GOLPH3: variants seen among roughly 807,000 people sequenced by gnomAD.
GOLPH3 encodes coat protein GPP34.
GOLPH3 carries 14 observed loss-of-function variants against 28.5 expected under a neutral mutation model. The ratio of observed to expected loss-of-function variants is 0.49; its 90% confidence interval spans 0.32 to 0.77. GOLPH3 has a LOEUF of 0.77. Among genes scored for constraint, GOLPH3 ranks in the 30% least tolerant of loss-of-function variants. The pLI is 0.03. For synonymous variants in GOLPH3, 158 were observed against 159.2 expected (o/e 0.99, Z 0.06); for missense variants, 350 against 393.7 (o/e 0.89, Z 0.94).
intron 3 of GOLPH3, among the ~76,000 whole-genome samples, chr5:32,134,527 A>T (rs951296222): frequency 2.6e-5 from 4 of 151,804 alleles, no homozygotes; most frequent in African/African-American, 4.8e-5. Flanking sequence ...AAATAAAAAA[A>T]AAAAAAAAAA....
chr5:32,142,519 A>G (rs1746093867), intron 2 of GOLPH3, among the ~76,000 whole-genome samples: 1 of 140,700 alleles, frequency 7.1e-6, no homozygotes, highest in Non-Finnish European at 1.5e-5. Context: ...CCGGGAGGTG[A>G]GGGGCGCCTC....
intron 1 of GOLPH3, among the ~76,000 whole-genome samples, chr5:32,164,519 G>A (rs1191886735): frequency 2.0e-5 from 3 of 151,582 alleles, no homozygotes; most frequent in East Asian, 1.9e-4. Flanking sequence ...TCAGCCTCCC[G>A]AGTAGCTGGG....
intron 2 of GOLPH3, among the ~76,000 whole-genome samples, chr5:32,142,861 G>A (rs1430949811): frequency 1.3e-5 from 2 of 150,572 alleles, no homozygotes; most frequent in Non-Finnish European, 3.0e-5. Flanking sequence ...CAGCCGCCCC[G>A]TCCGGGAGGT....
chr5:32,151,391 T>C (rs1218579129), intron 1 of GOLPH3, among the ~76,000 whole-genome samples: 2 of 152,130 alleles, frequency 1.3e-5, no homozygotes, highest in African/African-American at 4.8e-5. Context: ...CTGGGTGCGA[T>C]AGCACATGCC....
At chr5:32,129,881 G>A (rs1347787108) in intron 3 of GOLPH3, among the ~76,000 whole-genome samples, 1 of 150,854 alleles carries the variant, frequency 6.6e-6, no homozygotes, top group African/African-American at 2.4e-5. Flanking sequence ...TCACTCTGTC[G>A]CCCAGGCTGG....
intron 2 of GOLPH3, among the ~76,000 whole-genome samples, chr5:32,141,227 C>T (rs1746053580): frequency 6.6e-6 from 1 of 151,314 alleles, no homozygotes; most frequent in African/African-American, 2.4e-5. Context: ...TTCTCTATAG[C>T]TTATTAATCA....
chr5:32,144,014 G>A (rs1746140070), intron 1 of GOLPH3, 134 bp from the exon 2 acceptor site: 2 of 517,316 alleles, frequency 3.9e-6, no homozygotes, highest in South Asian at 7.1e-5. Flanking sequence ...ATAATATACT[G>A]AAAAAATACA....
intron 1 of GOLPH3, among the ~76,000 whole-genome samples, chr5:32,146,401 G>A (rs138081279): frequency 3.0e-4 from 45 of 152,278 alleles, no homozygotes; most frequent in African/African-American, 1.0e-3. Flanking sequence ...AAGGATGGGA[G>A]AGGACAGAGA....
chr5:32,135,580 A>ACT lies in GOLPH3; in HGVS notation c.463_464insAG (p.Leu155Ter). 1.2e-6 allele frequency: 2 copies of ACT among 1,600,132 alleles called. No homozygotes were observed. The highest frequency in any genetic ancestry group is 1.7e-6 in the Non-Finnish European group (2 of 1,167,668). Residue 155 changes from leucine (L) to a stop codon, truncating the protein, a stop_gained and frameshift_variant, in exon 3 of 4, where the codon TTA becomes TAGTA. Transcript: ENST00000265070. LOFTEE classifies it high-confidence loss of function. Reference sequence around the variant, plus strand: ...TATTCACAGCAGCTTACCACTAAGTAATTCAATCCAGTTCTGGACCGTTTC... The same window carrying ACT: ...TATTCACAGCAGCTTACCACTAAGTACTATTCAATCCAGTTCTGGACCGTTTC... ...PPETVQNWIE[L>*]LSGETWNPLK...
At chr5:32,134,147 A>G (rs1363522305) in intron 3 of GOLPH3, among the ~76,000 whole-genome samples, 1 of 152,184 alleles carries the variant, frequency 6.6e-6, no homozygotes, top group African/African-American at 2.4e-5. Flanking sequence ...TTGATGAAGC[A>G]CCACTGGAGG....
At chr5:32,143,352 C>A (rs2111857655) in intron 2 of GOLPH3, among the ~76,000 whole-genome samples, 1 of 151,970 alleles carries the variant, frequency 6.6e-6, no homozygotes, top group Admixed American at 6.5e-5. Flanking sequence ...AAACCAGAGA[C>A]CTTTGTTCAC....
rs550696929 is a variant in GOLPH3 at position 32,141,892 on chromosome 5, G to A, written c.357+1857C>T. On this transcript the variant is annotated intron_variant, in intron 2 of 3. Transcript: ENST00000265070. ...GTGCCGGGATTGCAGACGGAGTCTC[G>A]TTCACTCAGTGCTCAAAATGGTGCC... is the stretch of plus-strand genomic sequence containing the variant. 4.8e-5 allele frequency among the ~76,000 whole-genome samples: 4 copies of A among 84,004 alleles called. No individual in the cohort carries two copies. The East Asian group carries it at 9.2e-4, about 19-fold the overall frequency. The allele number at this position is 84,004 out of a possible 152,430, so 55.1% of individuals were successfully genotyped here.
At chr5:32,156,664 C>T (rs907226229) in intron 1 of GOLPH3, among the ~76,000 whole-genome samples, 3 of 152,112 alleles carry the variant, frequency 2.0e-5, no homozygotes, top group Non-Finnish European at 4.4e-5. Flanking sequence ...CAGATCCTAT[C>T]GGGCATTAGT....
At chr5:32,163,673 T>C (rs1425128827) in intron 1 of GOLPH3, among the ~76,000 whole-genome samples, 3 of 99,608 alleles carry the variant, frequency 3.0e-5, no homozygotes, top group South Asian at 3.2e-4. Flanking sequence ...CATATATATA[T>C]ATATTTTTTT....
intron 2 of GOLPH3, among the ~76,000 whole-genome samples, chr5:32,136,323 T>G (rs1468189754): frequency 6.7e-6 from 1 of 149,666 alleles, no homozygotes; most frequent in African/African-American, 2.5e-5. Context: ...CTACTAAAAA[T>G]ACAAACAATT....
chr5:32,173,913 T>C lies in GOLPH3; in HGVS notation c.122A>G (p.Gln41Arg). The C allele has an allele frequency of 6.6e-7, 1 of 1,509,324 alleles. No homozygotes were observed. The highest frequency in any genetic ancestry group is 8.8e-7 in the Non-Finnish European group (1 of 1,132,892). 93.5% of individuals were successfully genotyped at this position (1,509,324 alleles called of 1,614,324 possible). ...GTCGTCCTGCTCGTCGCGGCGGCTC[T>C]GCGCGTCGTCCTCGCTGCTGCCGGC... ...GGAGSSEDDA[Q>R]SRRDEQDDDD... Residue 41 changes from glutamine (Q) to arginine (R), a missense_variant, in exon 1 of 4, where the codon CAG becomes CGG. Physicochemically the swap from Gln to Arg is conservative, Grantham distance 43. Transcript: ENST00000265070.
chr5:32,162,043 T>C (rs893906189), intron 1 of GOLPH3, among the ~76,000 whole-genome samples: 1 of 149,170 alleles, frequency 6.7e-6, no homozygotes, highest in Non-Finnish European at 1.5e-5. Context: ...GAAAAATAAA[T>C]AAATAAAAAA....
At chr5:32,167,462 G>A (rs370926168) in intron 1 of GOLPH3, among the ~76,000 whole-genome samples, 4 of 152,082 alleles carry the variant, frequency 2.6e-5, no homozygotes, top group South Asian at 2.1e-4. Flanking sequence ...GTGAGCCACC[G>A]CACCCAGCCT....
intron 1 of GOLPH3, among the ~76,000 whole-genome samples, chr5:32,148,705 G>A (rs192831543): frequency 7.1e-4 from 101 of 143,090 alleles, no homozygotes; most frequent in African/African-American, 2.5e-3. Context: ...GCTGAGGCAG[G>A]AGAATAACGT....
Sources: gnomAD v4.1 joint callset for allele counts (sites outside exome capture counted in the v4.1 genomes callset) on GRCh38, gnomAD v4.1.1 for gene constraint, MANE v1.5 for transcripts, NCBI Gene and HGNC (gene_info 2026-07-23, HGNC 2026-07-21) for gene names.